NKAIN3: variants seen among roughly 807,000 people sequenced by gnomAD.
NKAIN3 encodes the protein sodium/potassium transporting ATPase interacting 3.
NKAIN3 carries 25 observed loss-of-function variants against 30.2 expected under a neutral mutation model. That is an observed-to-expected ratio of 0.83 (90% CI 0.60 to 1.16). The LOEUF (loss-of-function observed/expected upper bound fraction) is 1.16, where lower values mean the gene tolerates loss of function less well. Among genes scored for constraint, NKAIN3 ranks in the 50% most tolerant of loss-of-function variants. NKAIN3 has a pLI of 0.00. For missense variants in NKAIN3, 225 were observed against 254.1 expected (o/e 0.89, Z 0.78); for synonymous variants, 91 against 89.6 (o/e 1.02, Z -0.09).
intron 1 of NKAIN3, among the ~76,000 whole-genome samples, chr8:62,270,662 C>T (rs1407642560): frequency 6.6e-6 from 1 of 152,076 alleles, no homozygotes; most frequent in Non-Finnish European, 1.5e-5. Context: ...GAAAAAAAAC[C>T]TTATCCTGCC....
In NKAIN3 at chr8:62,934,795, G is replaced by T. The variant is rs542961840; in HGVS notation, c.532+16282G>T. Among the ~76,000 whole-genome samples, 13 of 152,216 alleles carry T rather than the reference G, an allele frequency of 8.5e-5. No individual in the cohort carries two copies. The South Asian group carries it at 2.7e-3, about 32-fold the overall frequency. ...TCTCTGGAGTGACTTGAAATGACAC[G>T]ACAGGAGAGAGATCTTATCTCATGG... On this transcript the variant is annotated intron_variant, in intron 5 of 6. Transcript: ENST00000623646.
chr8:62,499,941 C>T (rs1807372559), intron 1 of NKAIN3, among the ~76,000 whole-genome samples: 1 of 151,516 alleles, frequency 6.6e-6, no homozygotes, highest in African/African-American at 2.4e-5. Context: ...TATGTCTGGT[C>T]ATGGTTGAAG....
chr8:62,901,385 A>G (rs578135613), intron 4 of NKAIN3, among the ~76,000 whole-genome samples: 50 of 152,284 alleles, frequency 3.3e-4, no homozygotes, highest in African/African-American at 1.2e-3. Context: ...CAGGAGGGTC[A>G]CTTGAGTCCA....
intron 4 of NKAIN3, among the ~76,000 whole-genome samples, chr8:62,895,046 G>A (rs1228032619): frequency 6.6e-6 from 1 of 152,198 alleles, no homozygotes; most frequent in African/African-American, 2.4e-5. Context: ...TTTTAAGTAG[G>A]TTTTAAGCTG....
intron 5 of NKAIN3, among the ~76,000 whole-genome samples, chr8:62,994,229 A>T (rs1804050587): frequency 6.6e-6 from 1 of 152,212 alleles, no homozygotes; most frequent in African/African-American, 2.4e-5. Context: ...ACCAGGGGAA[A>T]ACTGCTTACA....
intron 3 of NKAIN3, among the ~76,000 whole-genome samples, chr8:62,632,354 A>G (rs1811988505): frequency 6.6e-6 from 1 of 152,218 alleles, no homozygotes; most frequent in African/African-American, 2.4e-5. Flanking sequence ...ACTAGAGTAT[A>G]AAATGAAAAT....
intron 3 of NKAIN3, among the ~76,000 whole-genome samples, chr8:62,686,443 C>G (rs1813802514): frequency 6.6e-6 from 1 of 152,064 alleles, no homozygotes. Context: ...AATCTCTGTA[C>G]AGCCTGCAGA....
At chr8:62,986,235 G>A (rs1824195605), downstream of NKAIN3, among the ~76,000 whole-genome samples, 1 of 152,312 alleles carries the variant, frequency 6.6e-6, no homozygotes, top group Non-Finnish European at 1.5e-5. Flanking sequence ...TTATCTATAA[G>A]GAACATCTGA....
At chr8:62,504,283 G>A (rs764429565) in intron 1 of NKAIN3, among the ~76,000 whole-genome samples, 9 of 152,274 alleles carry the variant, frequency 5.9e-5, no homozygotes, top group Non-Finnish European at 1.3e-4. Context: ...AGTGGTTGGG[G>A]ACCACTGCTA....
At chr8:62,635,700 A>G (rs553140163) in intron 3 of NKAIN3, among the ~76,000 whole-genome samples, 1 of 152,228 alleles carries the variant, frequency 6.6e-6, no homozygotes, top group East Asian at 1.9e-4. Context: ...TGAACCAGGG[A>G]GCAGCCCTCA....
At position 62,966,494 on chromosome 8, in the gene NKAIN3, T is replaced by C. The variant is rs990732430; in HGVS notation, c.*1087T>C. 1 of 650,258 alleles carries C rather than the reference T, an allele frequency of 1.5e-6. No individual in the cohort carries two copies. Among genetic ancestry groups the C allele is most frequent in the Admixed American group, 6.3e-5 (1 of 15,870 alleles). 40.3% of individuals were successfully genotyped at this position (650,258 alleles called of 1,614,324 possible). On this transcript the variant is annotated 3_prime_UTR_variant, in exon 7 of 7. Transcript: ENST00000623646. The stretch of plus-strand genomic sequence containing the variant: ...TATTAATGGTACGATTTGATTAGTT[T>C]TGAAAAATGTACATACCCATGTAAC...
chr8:62,334,422 C>G (rs557024494), intron 1 of NKAIN3, among the ~76,000 whole-genome samples: 1 of 151,962 alleles, frequency 6.6e-6, no homozygotes, highest in South Asian at 2.1e-4. Flanking sequence ...AGGACTAGGT[C>G]GAAACTTCCC....
chr8:62,771,898 T>C (rs1414316573), intron 4 of NKAIN3, among the ~76,000 whole-genome samples: 5 of 152,216 alleles, frequency 3.3e-5, no homozygotes, highest in African/African-American at 1.2e-4. Context: ...ATTTATCCTT[T>C]CTTTGTGTTA....
intron 1 of NKAIN3, among the ~76,000 whole-genome samples, chr8:62,319,885 C>T (rs1171980219): frequency 6.6e-6 from 1 of 152,028 alleles, no homozygotes; most frequent in Non-Finnish European, 1.5e-5. Context: ...CCTGGATATC[C>T]TTGTTAACTT....
intron 1 of NKAIN3, among the ~76,000 whole-genome samples, chr8:62,529,387 C>G (rs977610603): frequency 9.9e-5 from 15 of 152,100 alleles, no homozygotes; most frequent in African/African-American, 3.1e-4. Context: ...TTTTCCTCCT[C>G]TGCTCCACTC....
chr8:62,546,175 C>T (rs1809006581), intron 1 of NKAIN3, among the ~76,000 whole-genome samples: 1 of 152,132 alleles, frequency 6.6e-6, no homozygotes, highest in African/African-American at 2.4e-5. Flanking sequence ...TTACCTTTGT[C>T]TACAATAGGT....
chr8:62,309,422 A>G, intron 1 of NKAIN3, among the ~76,000 whole-genome samples: 1 of 150,736 alleles, frequency 6.6e-6, no homozygotes, highest in East Asian at 1.9e-4. Context: ...GAAAGACTAG[A>G]AAGCAAGGAG....
intron 3 of NKAIN3, among the ~76,000 whole-genome samples, chr8:62,705,556 T>C (rs895353380): frequency 7.9e-5 from 12 of 152,180 alleles, no homozygotes; most frequent in Non-Finnish European, 1.5e-4. Context: ...CTTCCATATT[T>C]TGTGTCCTTT....
chr8:62,725,537 T>C (rs1005031455), intron 3 of NKAIN3, among the ~76,000 whole-genome samples: 1 of 152,124 alleles, frequency 6.6e-6, no homozygotes, highest in Non-Finnish European at 1.5e-5. Flanking sequence ...GCCATTTTGA[T>C]CTGATTTTTG....
Sources: gnomAD v4.1 joint callset for allele counts (sites outside exome capture counted in the v4.1 genomes callset) on GRCh38, gnomAD v4.1.1 for gene constraint, MANE v1.5 for transcripts, NCBI Gene and HGNC (gene_info 2026-07-23, HGNC 2026-07-21) for gene names.